The following MAGI3 variants were observed in gnomAD, a reference collection of about 807,000 sequenced individuals.
The protein encoded by MAGI3 is membrane associated guanylate kinase, WW and PDZ domain containing 3, also known as membrane-associated guanylate kinase, WW and PDZ domain-containing protein 3.
MAGI3 carries 43 observed loss-of-function variants against 121.8 expected under a neutral mutation model. The ratio of observed to expected loss-of-function variants is 0.35; its 90% confidence interval spans 0.28 to 0.46. The LOEUF (loss-of-function observed/expected upper bound fraction) is 0.46. Ranked by LOEUF, MAGI3 falls within the 20% of genes least tolerant of loss-of-function variation. The pLI is 1.00. For missense variants in MAGI3, 1,547 were observed against 1,797.3 expected (o/e 0.86, Z 2.52); for synonymous variants, 553 against 639.3 (o/e 0.86, Z 2.04).
intron 9 of MAGI3, among the ~76,000 whole-genome samples, chr1:113,630,717 A>G (rs1557862002): frequency 6.6e-6 from 1 of 152,306 alleles, no homozygotes; most frequent in African/African-American, 2.4e-5. Context: ...ACTGAGTTCA[A>G]TGAAAAGTCC....
chr1:113,440,661 A>G (rs962772522), intron 1 of MAGI3, among the ~76,000 whole-genome samples: 15 of 152,200 alleles, frequency 9.9e-5, no homozygotes, highest in African/African-American at 3.6e-4. Flanking sequence ...TTATTCTTCT[A>G]CTAGGGATGA....
chr1:113,443,995 G>T (rs962915431), intron 1 of MAGI3, among the ~76,000 whole-genome samples: 1 of 152,202 alleles, frequency 6.6e-6, no homozygotes, highest in African/African-American at 2.4e-5. Context: ...GACAACAACT[G>T]CACTGGCAGA....
chr1:113,415,248 A>T (rs892859042), intron 1 of MAGI3, among the ~76,000 whole-genome samples: 1 of 152,072 alleles, frequency 6.6e-6, no homozygotes, highest in Admixed American at 6.6e-5. Context: ...GTTCATTCAC[A>T]TTTAAAGGAA....
At chr1:113,676,837 C>T (rs1557887748) in intron 19 of MAGI3, among the ~76,000 whole-genome samples, 1 of 152,142 alleles carries the variant, frequency 6.6e-6, no homozygotes, top group Non-Finnish European at 1.5e-5. Context: ...TCCGTATCTC[C>T]AGCACCTGAT....
intron 1 of MAGI3, among the ~76,000 whole-genome samples, chr1:113,447,374 T>C (rs1654224935): frequency 6.6e-6 from 1 of 152,232 alleles, no homozygotes. Context: ...AATTCATTTT[T>C]TATGAGAAAC....
intron 16 of MAGI3, among the ~76,000 whole-genome samples, chr1:113,665,228 C>T (rs2101008327): frequency 6.6e-6 from 1 of 152,206 alleles, no homozygotes; most frequent in Non-Finnish European, 1.5e-5. Context: ...TTTCCCAACA[C>T]CAGCTATTAG....
intron 6 of MAGI3, among the ~76,000 whole-genome samples, chr1:113,611,071 C>A (rs976552336): frequency 2.0e-5 from 3 of 151,782 alleles, no homozygotes; most frequent in African/African-American, 7.3e-5. Flanking sequence ...ATTCCCACAG[C>A]CATTTTCATA....
chr1:113,447,030 G>A (rs140998523), intron 1 of MAGI3, among the ~76,000 whole-genome samples: 66 of 152,306 alleles, frequency 4.3e-4, no homozygotes, highest in East Asian at 2.5e-3. Context: ...TATTTAATGG[G>A]TAAACAGTTT....
intron 1 of MAGI3, among the ~76,000 whole-genome samples, chr1:113,478,814 G>A (rs968748127): frequency 3.9e-5 from 6 of 152,216 alleles, no homozygotes; most frequent in African/African-American, 1.2e-4. Context: ...GTCTGCAGAC[G>A]TTTTCTGCTG....
chr1:113,601,518 T>C (rs1219847933), intron 6 of MAGI3, among the ~76,000 whole-genome samples: 2 of 146,728 alleles, frequency 1.4e-5, no homozygotes, highest in African/African-American at 5.1e-5. Context: ...AAAACCACAA[T>C]GAGATACCAT....
At chr1:113,488,185 T>G (rs1656489878) in intron 1 of MAGI3, among the ~76,000 whole-genome samples, 1 of 152,248 alleles carries the variant, frequency 6.6e-6, no homozygotes, top group Non-Finnish European at 1.5e-5. Flanking sequence ...ATTGACTATT[T>G]GGAAAGATTA....
At chr1:113,657,149 A>G (rs1653520061) in intron 15 of MAGI3, among the ~76,000 whole-genome samples, 1 of 152,216 alleles carries the variant, frequency 6.6e-6, no homozygotes. Context: ...CCAAAGATGA[A>G]TGAAGATGGA....
intron 1 of MAGI3, among the ~76,000 whole-genome samples, chr1:113,531,869 A>G (rs1215981644): frequency 6.6e-6 from 1 of 152,192 alleles, no homozygotes; most frequent in African/African-American, 2.4e-5. Context: ...CTTCATATGT[A>G]TGAGCCTAGG....
chr1:113,573,047 T>C (rs1211663882), intron 2 of MAGI3, among the ~76,000 whole-genome samples: 1 of 152,012 alleles, frequency 6.6e-6, no homozygotes, highest in African/African-American at 2.4e-5. Flanking sequence ...TGCCTCAGCC[T>C]CCCAAGTAGC....
chr1:113,469,376 G>A (rs1334508502), intron 1 of MAGI3, among the ~76,000 whole-genome samples: 4 of 152,192 alleles, frequency 2.6e-5, no homozygotes, highest in Non-Finnish European at 5.9e-5. Flanking sequence ...GGAGGTGTAT[G>A]AATGAATCCT....
intron 1 of MAGI3, among the ~76,000 whole-genome samples, chr1:113,421,258 CT>C (rs564779600): frequency 6.6e-5 from 10 of 152,112 alleles, no homozygotes; most frequent in Non-Finnish European, 1.2e-4. Context: ...GGTAAATATG[CT>C]TAAGGGTCCT....
At chr1:113,662,116 ACTTCTCCC>A (rs1456345750) in intron 16 of MAGI3, among the ~76,000 whole-genome samples, 1 of 152,200 alleles carries the variant, frequency 6.6e-6, no homozygotes, top group African/African-American at 2.4e-5. Flanking sequence ...CCCATCTGAT[ACTTCTCCC>A]CTTCTCTCCA....
chr1:113,616,437 A>T (rs1650470089), intron 7 of MAGI3, among the ~76,000 whole-genome samples: 1 of 152,180 alleles, frequency 6.6e-6, no homozygotes, highest in Non-Finnish European at 1.5e-5. Context: ...TGATGGAGAT[A>T]AAAAGCTGTT....
intron 1 of MAGI3, among the ~76,000 whole-genome samples, chr1:113,400,690 T>A (rs1651354446): frequency 6.6e-6 from 1 of 152,176 alleles, no homozygotes; most frequent in South Asian, 2.1e-4. Context: ...GAATTGTATC[T>A]CAATCCAACT....
Sources: allele counts gnomAD v4.1 joint callset (sites outside exome capture counted in the v4.1 genomes callset), GRCh38; gene constraint gnomAD v4.1.1; transcripts MANE v1.5; gene names NCBI Gene and HGNC (gene_info 2026-07-23, HGNC 2026-07-21).